The following LIPA variants were observed in gnomAD, a reference collection of about 807,000 sequenced individuals.
The protein encoded by LIPA is lysosomal acid lipase/cholesteryl ester hydrolase.
LIPA carries 26 observed loss-of-function variants against 40.6 expected under a neutral mutation model. The ratio of observed to expected loss-of-function variants is 0.64; its 90% CI spans 0.47 to 0.89. The LOEUF is 0.89. LIPA is among the 40% of genes least tolerant of loss of function. The probability of loss-of-function intolerance (pLI) is 0.00; values close to 1 mark genes in which losing one functional copy is unlikely to be tolerated. For missense variants in LIPA, 455 were observed against 479.6 expected (o/e 0.95, Z 0.48); for synonymous variants, 188 against 168.4 (o/e 1.12, Z -0.90).
intron 1 of LIPA, among the ~76,000 whole-genome samples, chr10:89,270,945 A>G (rs1433645914): frequency 6.6e-6 from 1 of 152,212 alleles, no homozygotes; most frequent in Non-Finnish European, 1.5e-5. Context: ...ATGTTTAACG[A>G]TGGCCCAAGA....
chr10:89,246,154 A>G lies in LIPA; in HGVS notation c.112-361T>C, dbSNP rs143644959. On this transcript the variant is annotated intron_variant, in intron 2 of 9. Transcript: ENST00000336233. ...CTAAATATCCCAGCTAGAACTGTCA[A>G]TGTATAAAACACTTTCTTTGTTTTG... Among the ~76,000 whole-genome samples, 1,223 of 152,294 alleles carry G rather than the reference A, an allele frequency of 8.0e-3. 18 individuals are homozygous for G. Among genetic ancestry groups the G allele is most frequent in the African/African-American group, 0.028 (1,166 of 41,558 alleles).
chr10:89,345,952 A>T (rs1161467194), upstream of LIPA, among the ~76,000 whole-genome samples: 4 of 152,238 alleles, frequency 2.6e-5, no homozygotes, highest in Non-Finnish European at 5.9e-5. Context: ...CATGAATTTC[A>T]CAAAAGATCA....
intron 7 of LIPA, among the ~76,000 whole-genome samples, chr10:89,223,217 A>G (rs1450482592): frequency 6.6e-6 from 1 of 152,050 alleles, no homozygotes; most frequent in Non-Finnish European, 1.5e-5. Context: ...GTTTGTTACA[A>G]GGGTGGATTG....
At chr10:89,393,731 A>AAAAC (rs981855451) in intron 2 of LIPA, among the ~76,000 whole-genome samples, 2 of 152,226 alleles carry the variant, frequency 1.3e-5, no homozygotes, top group African/African-American at 4.8e-5. Context: ...CTCCGTCTCA[A>AAAAC]AAACAAACAA....
At chr10:89,260,580 C>T (rs1247375891) in intron 1 of LIPA, among the ~76,000 whole-genome samples, 1 of 152,204 alleles carries the variant, frequency 6.6e-6, no homozygotes, top group Non-Finnish European at 1.5e-5. Context: ...CCTATGCACG[C>T]TTGGGCCTCC....
chr10:89,235,992 T>C (rs1319035822), intron 3 of LIPA, among the ~76,000 whole-genome samples: 1 of 152,066 alleles, frequency 6.6e-6, no homozygotes, highest in African/African-American at 2.4e-5. Context: ...TCAATAAACA[T>C]TGAAAAATTT....
At chr10:89,392,624 A>C in intron 2 of LIPA, 1 of 1,434,126 alleles carries the variant, frequency 7.0e-7, no homozygotes, top group Non-Finnish European at 9.8e-7. Context: ...TTTAAACGTA[A>C]CTGAAAATCC....
chr10:89,215,204 TCAAG>T, intron 9 of LIPA, 143 bp from the exon 10 acceptor site: 1 of 711,804 alleles, frequency 1.4e-6, no homozygotes, highest in Non-Finnish European at 2.5e-6. Flanking sequence ...GAGTATCTTT[TCAAG>T]TTGCCATTAC....
intron 1 of LIPA, among the ~76,000 whole-genome samples, chr10:89,312,472 A>G (rs1406259188): frequency 6.6e-6 from 1 of 152,154 alleles, no homozygotes; most frequent in African/African-American, 2.4e-5. Flanking sequence ...TAATAATTCA[A>G]TAAAGACTTT....
At chr10:89,327,886 A>G (rs1843614427) in intron 1 of LIPA, 2 of 555,612 alleles carry the variant, frequency 3.6e-6, no homozygotes, top group Admixed American at 7.0e-5. Flanking sequence ...TTCACTTTCC[A>G]GTTTCCTCTT....
At chr10:89,405,373 AAAT>A (rs958325374) in intron 2 of LIPA, 7 of 152,372 alleles carry the variant, frequency 4.6e-5, no homozygotes, top group African/African-American at 1.2e-4. Flanking sequence ...AAGGCACAAC[AAAT>A]AATAAGAAGG....
At chr10:89,307,256 C>A (rs548078843) in intron 1 of LIPA, 2 of 1,613,992 alleles carry the variant, frequency 1.2e-6, no homozygotes, top group African/African-American at 2.7e-5. Context: ...TGAGGCTTTG[C>A]ATGTCTTGGC....
chr10:89,350,315 C>CTTTTTTTTTTTTT (rs71471123), intron 2 of LIPA, among the ~76,000 whole-genome samples: 7 of 148,462 alleles, frequency 4.7e-5, no homozygotes, highest in South Asian at 2.3e-4. Context: ...GTGAAGTTAC[C>CTTTTTTTTTTTTT]TTTTTTTTTA....
At chr10:89,275,564 C>A (rs188207385) in intron 1 of LIPA, among the ~76,000 whole-genome samples, 34 of 152,278 alleles carry the variant, frequency 2.2e-4, no homozygotes, top group Non-Finnish European at 4.6e-4. Flanking sequence ...CTTACAGAAC[C>A]GGCTTGGCCA....
intron 1 of LIPA, among the ~76,000 whole-genome samples, chr10:89,298,169 C>T (rs952365293): frequency 1.3e-5 from 2 of 152,228 alleles, no homozygotes; most frequent in Non-Finnish European, 2.9e-5. Context: ...ACCTGGCCCA[C>T]TGCTGCCACT....
chr10:89,354,232 C>G (rs1453883445), intron 2 of LIPA, among the ~76,000 whole-genome samples: 1 of 152,224 alleles, frequency 6.6e-6, no homozygotes, highest in African/African-American at 2.4e-5. Context: ...AACCTTTTGT[C>G]TCTTATCCGC....
At chr10:89,226,464 G>A (rs934210106) in intron 5 of LIPA, among the ~76,000 whole-genome samples, 2 of 152,176 alleles carry the variant, frequency 1.3e-5, no homozygotes, top group Non-Finnish European at 2.9e-5. Context: ...CAGTGAACAT[G>A]CATTACTTAT....
chr10:89,290,235 C>T (rs1843366269), intron 1 of LIPA, among the ~76,000 whole-genome samples: 2 of 152,126 alleles, frequency 1.3e-5, no homozygotes, highest in Non-Finnish European at 2.9e-5. Flanking sequence ...CTTATTTGGA[C>T]CTTATGTCTT....
intron 2 of LIPA, chr10:89,383,471 G>A: frequency 6.2e-7 from 1 of 1,614,170 alleles, no homozygotes; most frequent in Non-Finnish European, 8.5e-7. Context: ...TACAATGTGG[G>A]AATACACAAC....
Sources: gnomAD v4.1 joint callset for allele counts (sites outside exome capture counted in the v4.1 genomes callset) on GRCh38, gnomAD v4.1.1 for gene constraint, MANE v1.5 for transcripts, NCBI Gene and HGNC (gene_info 2026-07-23, HGNC 2026-07-21) for gene names.